Variants in ZC3H13 observed in about 807,000 individuals in gnomAD.
ZC3H13 encodes the protein zinc finger CCCH-type containing 13.
A neutral mutation model predicts 204.1 loss-of-function variants in ZC3H13; 64 were observed. The observed-to-expected ratio is 0.31, with a 90% CI of 0.26 to 0.39. The LOEUF (loss-of-function observed/expected upper bound fraction) is 0.39, where lower values mean the gene tolerates loss of function less well. ZC3H13 is among the 10% of genes least tolerant of loss of function. The pLI is 1.00. For missense variants in ZC3H13, 1,833 were observed against 2,082.7 expected, an observed-to-expected ratio of 0.88 and a Z score of 2.33; for synonymous variants, 667 against 693.7, an observed-to-expected ratio of 0.96 and a Z score of 0.60.
rs1951794848 is a variant in ZC3H13 at position 45,962,897 on chromosome 13, T to C, written c.4675+945A>G. 4.1e-6 allele frequency: 4 copies of C among 985,240 alleles called. No homozygotes were observed. In the Admixed American group the frequency reaches 2.5e-4, roughly 61 times the overall value. 61.0% of individuals were successfully genotyped at this position (985,240 alleles called of 1,614,324 possible). A position where few individuals can be genotyped will look rare whatever the true frequency, so the allele number is the denominator to read the frequency against. ...TTGCAAAATAAACTAAGGTAGGTAC[T>C]AGATGAGACAGAGACAGTGAAAACC... is the stretch of plus-strand genomic sequence containing the variant. On this transcript the variant is annotated intron_variant, in intron 17 of 18. Coordinates refer to ENST00000679008, the MANE Select transcript of ZC3H13 (RefSeq NM_001330564.2).
At chr13:46,033,158 G>T (rs752769823) in intron 4 of ZC3H13, among the ~76,000 whole-genome samples, 3 of 151,878 alleles carry the variant, frequency 2.0e-5, no homozygotes, top group Non-Finnish European at 4.4e-5. Context: ...TATGTAATTA[G>T]AAAATGAAAG....
intron 8 of ZC3H13, among the ~76,000 whole-genome samples, chr13:45,989,480 C>A (rs2138273169): frequency 6.6e-6 from 1 of 152,244 alleles, no homozygotes; most frequent in South Asian, 2.1e-4. Flanking sequence ...CTACTGAGAT[C>A]TAGAGAGAAA....
At chr13:46,029,078 A>G (rs961257261) in intron 4 of ZC3H13, among the ~76,000 whole-genome samples, 1 of 152,172 alleles carries the variant, frequency 6.6e-6, no homozygotes, top group African/African-American at 2.4e-5. Context: ...AGAAAAAAAG[A>G]GAGAAGACAT....
intron 16 of ZC3H13, among the ~76,000 whole-genome samples, chr13:45,964,820 CA>C (rs1951956529): frequency 6.6e-6 from 1 of 152,026 alleles, no homozygotes; most frequent in African/African-American, 2.4e-5. Flanking sequence ...TACTGTAAGT[CA>C]AAATAATTAC....
chr13:46,046,502 C>CAAAAAAAAAAAAAA (rs1289336036), intron 1 of ZC3H13, among the ~76,000 whole-genome samples: 1 of 125,670 alleles, frequency 8.0e-6, no homozygotes. Flanking sequence ...ACTAAAAATA[C>CAAAAAAAAAAAAAA]AAAAAAAAAA....
At chr13:46,007,709 T>A (rs933644925) in intron 7 of ZC3H13, among the ~76,000 whole-genome samples, 1 of 152,190 alleles carries the variant, frequency 6.6e-6, no homozygotes, top group African/African-American at 2.4e-5. Flanking sequence ...ATCACCAAGA[T>A]CTTCAACATT....
intron 12 of ZC3H13, 54 bp downstream of exon 12, chr13:45,975,227 CTT>C (rs1952919906): frequency 1.9e-6 from 3 of 1,552,058 alleles, no homozygotes; most frequent in East Asian, 2.3e-5. Context: ...TTAAATGAAA[CTT>C]TGAATTCTTT....
chr13:46,034,384 A>G (rs1342715058), intron 4 of ZC3H13, among the ~76,000 whole-genome samples: 1 of 152,204 alleles, frequency 6.6e-6, no homozygotes, highest in Non-Finnish European at 1.5e-5. Context: ...AACAACTCAA[A>G]TGTCCATCCA....
chr13:46,034,176 G>A (rs187852484), intron 4 of ZC3H13, among the ~76,000 whole-genome samples: 19 of 152,222 alleles, frequency 1.2e-4, no homozygotes, highest in African/African-American at 4.3e-4. Context: ...AGAATACAGA[G>A]AGAAAATTAT....
intron 8 of ZC3H13, among the ~76,000 whole-genome samples, chr13:45,996,497 G>A (rs970203298): frequency 6.6e-6 from 1 of 152,130 alleles, no homozygotes; most frequent in Non-Finnish European, 1.5e-5. Context: ...GAAACTTCCA[G>A]AAATAAACAA....
chr13:46,024,987 T>A (rs1445256737), intron 4 of ZC3H13, among the ~76,000 whole-genome samples: 1 of 152,218 alleles, frequency 6.6e-6, no homozygotes, highest in Non-Finnish European at 1.5e-5. Context: ...ACCTCTTATA[T>A]TGGATTTACT....
Position 45,975,734 on chromosome 13 carries a change from C to T in ZC3H13, c.2017G>A (p.Asp673Asn). 6.2e-7 allele frequency: 1 copy of T among 1,613,884 alleles called. No individual in the cohort carries two copies. The highest frequency in any genetic ancestry group is 1.1e-5 in the South Asian group (1 of 91,082). The change falls in exon 12 of 19, where the codon GAT becomes AAT. Residue 673 changes from aspartate (D) to asparagine (N), a missense_variant. Asp to Asn is a conservative substitution (Grantham distance 23). Transcript: ENST00000679008. Reference sequence around the variant, plus strand: ...CGATCTCTCTCTCTAGCCCTTTCATCTCTCCTATCATCCACTCTGTCTACT... The same window carrying T: ...CGATCTCTCTCTCTAGCCCTTTCATTTCTCCTATCATCCACTCTGTCTACT... ...RRVDRVDDRR[D>N]ERARERDRER... is the part of the protein sequence containing the mutation.
intron 5 of ZC3H13, among the ~76,000 whole-genome samples, chr13:46,016,881 G>A (rs563837858): frequency 2.6e-5 from 4 of 152,094 alleles, no homozygotes; most frequent in Non-Finnish European, 4.4e-5. Flanking sequence ...TTAAGAACTA[G>A]AATATTAGTA....
intron 4 of ZC3H13, among the ~76,000 whole-genome samples, chr13:46,033,364 A>T (rs2043015921): frequency 6.6e-6 from 1 of 152,130 alleles, no homozygotes; most frequent in African/African-American, 2.4e-5. Flanking sequence ...CTTAAGAACT[A>T]TATAGAAACC....
At chr13:45,995,011 T>C (rs1358369840) in intron 8 of ZC3H13, among the ~76,000 whole-genome samples, 9 of 62,314 alleles carry the variant, frequency 1.4e-4, no homozygotes, top group African/African-American at 8.3e-4. Context: ...TAACTATCAG[T>C]GAAAAAAAAA....
chr13:46,010,188 AT>A (rs1347459261), intron 7 of ZC3H13, 159 bp downstream of exon 7: 1 of 656,904 alleles, frequency 1.5e-6, no homozygotes, highest in Non-Finnish European at 2.2e-6. Context: ...GTTCTCTATA[AT>A]TGTCTTTTTA....
intron 1 of ZC3H13, among the ~76,000 whole-genome samples, 183 bp from the exon 2 acceptor site, chr13:46,045,699 A>G (rs1335083822): frequency 6.6e-6 from 1 of 152,138 alleles, no homozygotes; most frequent in Non-Finnish European, 1.5e-5. Flanking sequence ...ATCTTCTAAA[A>G]CATGCCTTAC....
chr13:45,974,403 T>C (rs779527659), intron 12 of ZC3H13, among the ~76,000 whole-genome samples: 3 of 152,168 alleles, frequency 2.0e-5, no homozygotes, highest in Admixed American at 1.3e-4. Flanking sequence ...ACTGGAGAGA[T>C]GGAAACTGCT....
chr13:46,038,301 C>T (rs1014611290), intron 4 of ZC3H13, among the ~76,000 whole-genome samples: 5 of 152,182 alleles, frequency 3.3e-5, no homozygotes, highest in African/African-American at 9.6e-5. Flanking sequence ...TCTGACACCG[C>T]GTCGATCCTT....
Sources: gnomAD v4.1 joint callset for allele counts (sites outside exome capture counted in the v4.1 genomes callset) on GRCh38, gnomAD v4.1.1 for gene constraint, MANE v1.5 for transcripts, NCBI Gene and HGNC (gene_info 2026-07-23, HGNC 2026-07-21) for gene names.